Variants in CDKAL1 observed in about 807,000 individuals in gnomAD.
CDKAL1 encodes CDKAL1 threonylcarbamoyladenosine tRNA methylthiotransferase, also known as threonylcarbamoyladenosine tRNA methylthiotransferase.
CDKAL1 carries 32 observed loss-of-function variants against 68.2 expected under a neutral mutation model. That is an observed-to-expected ratio of 0.47 (90% CI 0.35 to 0.63). CDKAL1 has a LOEUF of 0.63. Ranked by LOEUF, CDKAL1 falls within the 30% of genes least tolerant of loss-of-function variation. The pLI, the probability that CDKAL1 is intolerant of heterozygous loss-of-function variation, is 0.00. For synonymous variants in CDKAL1, 234 were observed against 244.3 expected, an observed-to-expected ratio of 0.96 and a Z score of 0.39; for missense variants, 606 against 696.7, an observed-to-expected ratio of 0.87 and a Z score of 1.47.
chr6:21,189,714 G>C (rs11751020), intron 13 of CDKAL1, among the ~76,000 whole-genome samples: 1 of 152,110 alleles, frequency 6.6e-6, no homozygotes, highest in Non-Finnish European at 1.5e-5. Flanking sequence ...TTTCATTATA[G>C]AATGGCATTG....
At chr6:20,976,262 A>T (rs2150764212) in intron 10 of CDKAL1, among the ~76,000 whole-genome samples, 1 of 152,350 alleles carries the variant, frequency 6.6e-6, no homozygotes, top group Non-Finnish European at 1.5e-5. Flanking sequence ...TCACTATAGT[A>T]GAATTCTCAT....
rs113449477 is a variant in CDKAL1 at position 20,887,390 on chromosome 6, G to A, written c.742+41212G>A. Among the ~76,000 whole-genome samples, 515 of 152,106 alleles carry A rather than the reference G, an allele frequency of 3.4e-3. 5 individuals are homozygous for A. Among genetic ancestry groups the A allele is most frequent in the African/African-American group, 0.011 (476 of 41,512 alleles). ...AAGCATGTTTATAGCTATTTTAGTC[G>A]TAACCACCAAAAATTAGAAACAGCC... On this transcript the variant is annotated intron_variant, in intron 9 of 15. Transcript: ENST00000274695.
intron 4 of CDKAL1, among the ~76,000 whole-genome samples, chr6:20,634,899 C>T (rs1193942300): frequency 6.7e-6 from 1 of 149,568 alleles, no homozygotes; most frequent in East Asian, 2.0e-4. Flanking sequence ...ATCGCTTGAA[C>T]CTGGGAGGTA....
intron 13 of CDKAL1, among the ~76,000 whole-genome samples, chr6:21,196,463 T>C (rs973952838): frequency 6.6e-6 from 1 of 152,226 alleles, no homozygotes; most frequent in Non-Finnish European, 1.5e-5. Flanking sequence ...AGAACTTCCA[T>C]TGTTTTTCAG....
At chr6:20,908,246 A>G (rs1762318423) in intron 9 of CDKAL1, among the ~76,000 whole-genome samples, 2 of 152,304 alleles carry the variant, frequency 1.3e-5, no homozygotes, top group African/African-American at 4.8e-5. Context: ...AAGAAAGGTT[A>G]ATGTATTTTT....
At chr6:20,561,773 G>A (rs1245993849) in intron 4 of CDKAL1, among the ~76,000 whole-genome samples, 8 of 152,106 alleles carry the variant, frequency 5.3e-5, no homozygotes, top group Admixed American at 4.6e-4. Flanking sequence ...ATGTATAGAA[G>A]TAATTTTATT....
At chr6:20,650,986 G>A (rs757084383) in intron 5 of CDKAL1, among the ~76,000 whole-genome samples, 3 of 152,058 alleles carry the variant, frequency 2.0e-5, no homozygotes, top group Non-Finnish European at 2.9e-5. Context: ...GTTGGGTAGC[G>A]CGATGCCCCT....
At chr6:20,862,173 C>G (rs775156842) in intron 9 of CDKAL1, among the ~76,000 whole-genome samples, 2 of 152,156 alleles carry the variant, frequency 1.3e-5, no homozygotes, top group Non-Finnish European at 2.9e-5. Context: ...ACTGGCATAT[C>G]ACCAGGAACT....
chr6:20,568,357 A>G (rs531645405), intron 4 of CDKAL1, among the ~76,000 whole-genome samples: 1 of 152,222 alleles, frequency 6.6e-6, no homozygotes, highest in South Asian at 2.1e-4. Flanking sequence ...GAAATAACGC[A>G]TTTGACTGTT....
chr6:20,582,737 A>G (rs954245131), intron 4 of CDKAL1, among the ~76,000 whole-genome samples: 1 of 152,196 alleles, frequency 6.6e-6, no homozygotes, highest in African/African-American at 2.4e-5. Context: ...GGCACTTATT[A>G]TAATACTTAA....
intron 10 of CDKAL1, among the ~76,000 whole-genome samples, chr6:20,983,964 T>C (rs1422422324): frequency 6.6e-6 from 1 of 152,160 alleles, no homozygotes; most frequent in African/African-American, 2.4e-5. Context: ...GTGAGAGACA[T>C]TTGATTGAGC....
chr6:20,658,667 C>CA (rs1173388173), intron 5 of CDKAL1, among the ~76,000 whole-genome samples: 1 of 151,830 alleles, frequency 6.6e-6, no homozygotes, highest in African/African-American at 2.4e-5. Flanking sequence ...AAATTGCTTT[C>CA]AAAAAAGCTG....
intron 13 of CDKAL1, among the ~76,000 whole-genome samples, chr6:21,163,764 C>A (rs1240180737): frequency 6.6e-6 from 1 of 152,054 alleles, no homozygotes; most frequent in African/African-American, 2.4e-5. Flanking sequence ...ACCAGCCTGG[C>A]CAACATGGCA....
intron 4 of CDKAL1, among the ~76,000 whole-genome samples, chr6:20,592,300 C>G (rs1053790305): frequency 1.3e-5 from 2 of 152,178 alleles, no homozygotes; most frequent in African/African-American, 4.8e-5. Context: ...ATGTCATCTG[C>G]AAACAGAGGT....
intron 5 of CDKAL1, among the ~76,000 whole-genome samples, chr6:20,706,861 T>G (rs747963138): frequency 7.4e-6 from 1 of 135,820 alleles, no homozygotes; most frequent in East Asian, 2.3e-4. Flanking sequence ...ATCTGTTACT[T>G]AAAAAAAAAA....
At chr6:20,819,714 G>A (rs1226646809) in intron 8 of CDKAL1, among the ~76,000 whole-genome samples, 1 of 152,112 alleles carries the variant, frequency 6.6e-6, no homozygotes, top group African/African-American at 2.4e-5. Context: ...TAAATGTAAA[G>A]TGTGAAAATA....
chr6:21,149,146 T>A (rs9368281), intron 13 of CDKAL1, among the ~76,000 whole-genome samples: 1 of 143,612 alleles, frequency 7.0e-6, no homozygotes, highest in East Asian at 2.0e-4. Context: ...TTCAAAAAAC[T>A]TTTTTTTTTT....
chr6:21,084,551 G>A (rs1274709280), intron 12 of CDKAL1, among the ~76,000 whole-genome samples: 1 of 151,950 alleles, frequency 6.6e-6, no homozygotes, highest in African/African-American at 2.4e-5. Flanking sequence ...AATCTGCCTG[G>A]GTATGACTTA....
At chr6:21,222,889 C>T (rs1278678479) in intron 15 of CDKAL1, among the ~76,000 whole-genome samples, 1 of 152,066 alleles carries the variant, frequency 6.6e-6, no homozygotes, top group Non-Finnish European at 1.5e-5. Flanking sequence ...AACTGTTCCT[C>T]ATTAAAACAC....
Sources: allele counts gnomAD v4.1 joint callset (sites outside exome capture counted in the v4.1 genomes callset), GRCh38; gene constraint gnomAD v4.1.1; transcripts MANE v1.5; gene names NCBI Gene and HGNC (gene_info 2026-07-23, HGNC 2026-07-21).